Variants in ATP8A1 observed in about 807,000 individuals in gnomAD.
The protein encoded by ATP8A1 is ATPase phospholipid transporting 8A1.
A neutral mutation model predicts 177.7 loss-of-function variants in ATP8A1; 90 were observed. The observed-to-expected ratio is 0.51, with a 90% CI of 0.43 to 0.60. The LOEUF (loss-of-function observed/expected upper bound fraction) is 0.60. Among genes scored for constraint, ATP8A1 ranks in the 20% least tolerant of loss-of-function variants. The probability of loss-of-function intolerance (pLI) is 0.00; values close to 1 mark genes in which losing one functional copy is unlikely to be tolerated. For synonymous variants in ATP8A1, 493 were observed against 485.9 expected (o/e 1.01, Z -0.19); for missense variants, 1,072 against 1,392.8 (o/e 0.77, Z 3.67).
chr4:42,586,583 T>G (rs56188792), intron 8 of ATP8A1, 107 bp from the exon 9 acceptor site: 11,598 of 1,102,324 alleles, frequency 0.011, 102 homozygotes, highest in Non-Finnish European at 0.011. Flanking sequence ...AAGATCCCAT[T>G]ATTTTTATAA....
At chr4:42,532,441 G>A (rs185402053) in intron 20 of ATP8A1, among the ~76,000 whole-genome samples, 47 of 151,976 alleles carry the variant, frequency 3.1e-4, no homozygotes, top group African/African-American at 1.1e-3. Context: ...AGCTGAGATC[G>A]TGCCACTGTA....
At chr4:42,635,681 C>T (rs1159297418) in intron 1 of ATP8A1, among the ~76,000 whole-genome samples, 2 of 149,784 alleles carry the variant, frequency 1.3e-5, no homozygotes, top group African/African-American at 4.9e-5. Context: ...TATATGCACA[C>T]ATATGTATTT....
chr4:42,643,163 T>C (rs946581127), intron 1 of ATP8A1, among the ~76,000 whole-genome samples: 3 of 152,150 alleles, frequency 2.0e-5, no homozygotes, highest in African/African-American at 7.2e-5. Flanking sequence ...AATAAATCCA[T>C]ACAGTTCCCA....
intron 1 of ATP8A1, among the ~76,000 whole-genome samples, chr4:42,631,439 T>A (rs1036233266): frequency 6.6e-6 from 1 of 152,174 alleles, no homozygotes; most frequent in Non-Finnish European, 1.5e-5. Context: ...GATTGGCCTG[T>A]GTAGAAGTTA....
intron 25 of ATP8A1, among the ~76,000 whole-genome samples, chr4:42,469,612 A>G (rs888115282): frequency 3.3e-5 from 5 of 152,246 alleles, no homozygotes; most frequent in African/African-American, 1.2e-4. Flanking sequence ...TCAGAAATCA[A>G]CATGGGCTTT....
At chr4:42,446,423 A>T (rs1412470444) in intron 31 of ATP8A1, among the ~76,000 whole-genome samples, 160 bp downstream of exon 31, 1 of 152,120 alleles carries the variant, frequency 6.6e-6, no homozygotes, top group Non-Finnish European at 1.5e-5. Context: ...ATGAAATAAG[A>T]CCCCATTATA....
chr4:42,529,409 C>A (rs942066830), intron 20 of ATP8A1, among the ~76,000 whole-genome samples: 15 of 152,194 alleles, frequency 9.9e-5, no homozygotes, highest in Admixed American at 1.3e-4. Flanking sequence ...CACGATGCGA[C>A]CTGAACTGCG....
intron 33 of ATP8A1, among the ~76,000 whole-genome samples, chr4:42,437,217 A>G (rs1396207367): frequency 6.6e-6 from 1 of 152,202 alleles, no homozygotes; most frequent in Non-Finnish European, 1.5e-5. Context: ...CCTGATATGA[A>G]ACGATCCCTG....
intron 8 of ATP8A1, among the ~76,000 whole-genome samples, chr4:42,587,008 C>T (rs1733675131): frequency 6.6e-6 from 1 of 152,182 alleles, no homozygotes; most frequent in Non-Finnish European, 1.5e-5. Context: ...GATCTAGTTC[C>T]AACACATCCC....
intron 27 of ATP8A1, among the ~76,000 whole-genome samples, chr4:42,459,995 G>A (rs1239204979): frequency 6.6e-6 from 1 of 152,058 alleles, no homozygotes; most frequent in Non-Finnish European, 1.5e-5. Context: ...GTTTCACCAT[G>A]TTAGCCAGGA....
rs183564642 is a variant in ATP8A1, at chr4:42,649,707, G to A, written c.49+7118C>T. Among the ~76,000 whole-genome samples, 320 of 152,176 alleles carry A rather than the reference G, an allele frequency of 2.1e-3. 1 individual carries two copies. Among genetic ancestry groups the A allele is most frequent in the Non-Finnish European group, 3.5e-3 (239 of 67,986 alleles). On this transcript the variant is annotated intron_variant, in intron 1 of 36. Transcript: ENST00000381668. The stretch of plus-strand genomic sequence containing the variant: ...CTCTAGGTGTAGAGGGTACAGCAGC[G>A]AACAAATCTCACAAAAACGCTCCTT...
At chr4:42,495,381 AC>A (rs1723162972) in intron 24 of ATP8A1, among the ~76,000 whole-genome samples, 1 of 152,188 alleles carries the variant, frequency 6.6e-6, no homozygotes, top group African/African-American at 2.4e-5. Context: ...ATTCAGTGGA[AC>A]ACTGGGCATT....
At chr4:42,455,644 T>C (rs1188116771) in intron 27 of ATP8A1, 45 bp from the exon 28 acceptor site, 1 of 1,559,286 alleles carries the variant, frequency 6.4e-7, no homozygotes, top group Non-Finnish European at 8.8e-7. Context: ...TACAAAAGCA[T>C]AAATGCATTG....
chr4:42,479,996 T>TTGTGTGTGTGTGTGTGTGTGTG (rs376966152), intron 25 of ATP8A1, among the ~76,000 whole-genome samples: 3 of 135,656 alleles, frequency 2.2e-5, no homozygotes, highest in Admixed American at 7.5e-5. Flanking sequence ...GCAGTTCTGC[T>TTGTGTGTGTGTGTGTGTGTGTG]TGTGTGTGTG....
rs1553913951 is a variant in ATP8A1, at chr4:42,601,039, T to TTC, written c.410-522_410-521insGA. 1.4e-4 allele frequency among the ~76,000 whole-genome samples: 12 copies of TTC among 84,102 alleles called. No homozygotes were observed. In the East Asian group the frequency reaches 2.2e-3, roughly 16 times the overall value. 55.2% of individuals were successfully genotyped at this position (84,102 alleles called of 152,430 possible). A position where few individuals can be genotyped will look rare whatever the true frequency, so the allele number is the denominator to read the frequency against. ...CAAAAACAACCCAAATTTTCTTTTT[T>TTC]TTTTTTTTTTTTTTGAGATGGAGTC... On this transcript the variant is annotated intron_variant, in intron 5 of 36. Transcript: ENST00000381668.
At chr4:42,637,050 C>A in intron 1 of ATP8A1, 1 of 491,426 alleles carries the variant, frequency 2.0e-6, no homozygotes, top group South Asian at 1.5e-5. Flanking sequence ...GAAGCCAAGT[C>A]CTGTCCCAAC....
At chr4:42,624,238 T>C (rs1408041034) in intron 4 of ATP8A1, among the ~76,000 whole-genome samples, 1 of 152,092 alleles carries the variant, frequency 6.6e-6, no homozygotes, top group African/African-American at 2.4e-5. Flanking sequence ...GGAGGGTTTT[T>C]CATTTAATTG....
chr4:42,427,545 G>A (rs1227856840), intron 33 of ATP8A1, among the ~76,000 whole-genome samples: 2 of 152,248 alleles, frequency 1.3e-5, no homozygotes, highest in African/African-American at 2.4e-5. Flanking sequence ...CACCAGCAAT[G>A]AACTAGCCTT....
intron 1 of ATP8A1, among the ~76,000 whole-genome samples, chr4:42,648,589 A>C (rs1577782416): frequency 6.6e-6 from 1 of 152,166 alleles, no homozygotes; most frequent in East Asian, 1.9e-4. Flanking sequence ...ACCCAAAAGT[A>C]CTAAAAGAAA....
Sources: gnomAD v4.1 joint callset for allele counts (sites outside exome capture counted in the v4.1 genomes callset) on GRCh38, gnomAD v4.1.1 for gene constraint, MANE v1.5 for transcripts, NCBI Gene and HGNC (gene_info 2026-07-23, HGNC 2026-07-21) for gene names.